Variants in SH2B2 observed in about 807,000 individuals in gnomAD.
SH2B2 encodes SH2B adapter protein 2.
In SH2B2, 37 loss-of-function variants were observed where a neutral mutation model predicts 35.7. The observed-to-expected ratio is 1.04, with a 90% confidence interval of 0.80 to 1.36. The LOEUF (loss-of-function observed/expected upper bound fraction) is 1.36, where lower values mean the gene tolerates loss of function less well. Ranked by LOEUF, SH2B2 falls within the 40% of genes most tolerant of loss-of-function variation. The pLI, the probability that SH2B2 is intolerant of heterozygous loss-of-function variation, is 0.00. For synonymous variants in SH2B2, 383 were observed against 376.4 expected, an observed-to-expected ratio of 1.02 and a Z score of -0.20; for missense variants, 852 against 817.7, an observed-to-expected ratio of 1.04 and a Z score of -0.51.
rs1554558481 is a variant in SH2B2 at position 102,321,356 on chromosome 7, C to G, written c.1625C>G (p.Pro542Arg). The G allele has an allele frequency of 1.4e-6, 2 of 1,437,742 alleles. No individual in the cohort carries two copies. The highest frequency in any genetic ancestry group is 1.4e-5 in the South Asian group (1 of 73,794). 89.1% of individuals were successfully genotyped at this position (1,437,742 alleles called of 1,614,324 possible). ...TCCCCGGCCTGCTGGAGCGACTCGC[C>G]CGGCCAGCACTACTTCTCCAGCCTC... ...PASPACWSDS[P>R]GQHYFSSLAA... Residue 542 changes from proline to arginine, a missense_variant, in exon 9 of 9, where the codon CCC becomes CGC. Pro to Arg is a moderately radical substitution (Grantham distance 103, BLOSUM62 -2). Transcript: ENST00000444095.
chr7:102,285,351 G>A, upstream of SH2B2: 1 of 904,556 alleles, frequency 1.1e-6, no homozygotes, highest in South Asian at 1.4e-5. Context: ...CCCACTCTCG[G>A]GCACCCCCTC....
At chr7:102,310,722 A>G (rs1793587904) in intron 4 of SH2B2, among the ~76,000 whole-genome samples, 1 of 152,152 alleles carries the variant, frequency 6.6e-6, no homozygotes, top group Admixed American at 6.5e-5. Context: ...CTGATCCACA[A>G]AGTGATTGTA....
In SH2B2 at chr7:102,321,497, A is replaced by T; in HGVS notation, c.1766A>T (p.Gln589Leu). The T allele has an allele frequency of 8.6e-7, 1 of 1,161,114 alleles. No individual in the cohort carries two copies. Among genetic ancestry groups the T allele is most frequent in the Non-Finnish European group, 1.1e-6 (1 of 941,880 alleles). The allele number at this position is 1,161,114 out of a possible 1,614,324, so 71.9% of individuals were successfully genotyped here. A position where few individuals can be genotyped will look rare whatever the true frequency, so the allele number is the denominator to read the frequency against. The change falls in exon 9 of 9, where the codon CAG becomes CTG. Residue 589 changes from glutamine to leucine, a missense_variant. By Grantham distance (113) the Gln-to-Leu change is moderately radical (BLOSUM62 -2). Around this residue, in one of 3 missense-constraint regions of SH2B2, gnomAD observed 556 missense variants for 514.5 expected, o/e 1.08. Transcript: ENST00000444095. The part of the protein sequence containing the change: ...GPAPPRPVEG[Q>L]LSARSRSNSA... ...GCCCCCCCGCGCCCCGTCGAGGGCC[A>T]GCTCAGCGCGCGGAGCCGCAGCAAC...
At chr7:102,301,930 A>G (rs1397505607) in intron 2 of SH2B2, among the ~76,000 whole-genome samples, 2 of 152,202 alleles carry the variant, frequency 1.3e-5, no homozygotes, top group African/African-American at 4.8e-5. Flanking sequence ...CAGTGGTACA[A>G]TCATGGCTCA....
At chr7:102,320,652 T>A in intron 8 of SH2B2, 150 bp downstream of exon 8, 1 of 1,108,924 alleles carries the variant, frequency 9.0e-7, no homozygotes, top group South Asian at 1.6e-5. Context: ...CCACAGCAAT[T>A]TCAAGCAGTC....
At chr7:102,287,490 G>T (rs1792500988) in intron 1 of SH2B2, among the ~76,000 whole-genome samples, 1 of 152,184 alleles carries the variant, frequency 6.6e-6, no homozygotes, top group Non-Finnish European at 1.5e-5. Context: ...GGAGCGCTGG[G>T]AGGGGGCGTC....
intron 4 of SH2B2, 138 bp from the exon 5 acceptor site, chr7:102,314,198 G>A (rs1793729106): frequency 1.3e-5 from 5 of 397,376 alleles, no homozygotes; most frequent in Non-Finnish European, 2.2e-5. Context: ...GGACATGGAG[G>A]CAGAGGGAGG....
chr7:102,309,362 T>TC (rs1334812762), intron 4 of SH2B2: 1 of 329,410 alleles, frequency 3.0e-6, no homozygotes, highest in African/African-American at 2.3e-5. Context: ...TCTCTTTTTT[T>TC]TTTTTTTTTT....
At chr7:102,285,396 G>A (rs1219274078), upstream of SH2B2, 5 of 678,538 alleles carry the variant, frequency 7.4e-6, no homozygotes, top group African/African-American at 7.1e-5. Flanking sequence ...AGGTGTCCTG[G>A]TTCCCAACCA....
chr7:102,321,388 GCCGCCTGC>G lies in SH2B2; in HGVS notation c.1667_1674del (p.Pro556LeufsTer?). The G allele has an allele frequency of 7.2e-7, 1 of 1,386,796 alleles. No individual in the cohort carries two copies. Among genetic ancestry groups the G allele is most frequent in the Non-Finnish European group, 9.3e-7 (1 of 1,070,004 alleles). 85.9% of individuals were successfully genotyped at this position (1,386,796 alleles called of 1,614,324 possible). ...GCACTACTTCTCCAGCCTCGCCGCG[GCCGCCTGC>G]CCGCCTGCCTCGCCCTCCGACGCCG... On this transcript the variant is annotated frameshift_variant, in exon 9 of 9. Coordinates refer to ENST00000444095, the MANE Select transcript of SH2B2 (RefSeq NM_001359228.2). LOFTEE classifies it low-confidence loss of function (END_TRUNC).
chr7:102,300,756 TC>T lies in SH2B2; in HGVS notation c.208del (p.Leu70TrpfsTer23). 1.3e-6 allele frequency: 2 copies of T among 1,536,772 alleles called. No individual in the cohort carries two copies. Among genetic ancestry groups the T allele is most frequent in the East Asian group, 2.5e-5 (1 of 40,392 alleles). ...TTCTCCCGCCACTTCGCCGCCAACTTCCTGGACGTCTTCGGCGAGGAGGTGC... is the reference window on the plus strand; with the variant it reads ...TTCTCCCGCCACTTCGCCGCCAACTTCTGGACGTCTTCGGCGAGGAGGTGC... ...ASFSRHFAAN[F>X]LDVFGEEVRR... On this transcript the variant is annotated frameshift_variant, in exon 2 of 9. Coordinates refer to ENST00000444095, the MANE Select transcript of SH2B2 (RefSeq NM_001359228.2). LOFTEE classifies it high-confidence loss of function.
intron 1 of SH2B2, among the ~76,000 whole-genome samples, chr7:102,293,882 C>G (rs1792795345): frequency 6.6e-6 from 1 of 152,126 alleles, no homozygotes; most frequent in Admixed American, 6.5e-5. Context: ...CAGTCCAGCA[C>G]TGCCTGGCAC....
intron 1 of SH2B2, among the ~76,000 whole-genome samples, chr7:102,298,465 T>G (rs1554552902): frequency 6.6e-6 from 1 of 152,174 alleles, no homozygotes; most frequent in African/African-American, 2.4e-5. Flanking sequence ...CTTGCTCTGT[T>G]GCCCAGGCTG....
intron 4 of SH2B2, 133 bp from the exon 5 acceptor site, chr7:102,314,203 G>A (rs1793729186): frequency 2.5e-6 from 1 of 397,532 alleles, no homozygotes; most frequent in African/African-American, 2.1e-5. Context: ...TGGAGGCAGA[G>A]GGAGGTGACC....
At chr7:102,317,143 T>C in intron 6 of SH2B2, 44 bp from the exon 7 acceptor site, 1 of 1,468,922 alleles carries the variant, frequency 6.8e-7, no homozygotes, top group South Asian at 1.3e-5. Context: ...TTGTCCCCCT[T>C]TCTCCTTCCC....
intron 1 of SH2B2, among the ~76,000 whole-genome samples, chr7:102,300,219 G>C (rs950440658): frequency 7.2e-5 from 11 of 152,228 alleles, no homozygotes; most frequent in Non-Finnish European, 1.6e-4. Context: ...TAGTAGAAAC[G>C]GGGTTTCACC....
rs1193732437 is a variant in SH2B2 at position 102,317,032 on chromosome 7, AT to A, written c.1187-154del. The stretch of plus-strand genomic sequence containing the variant: ...AGCGAAACTTCGTCTCAAAAAAAAA[AT>A]AAAAACTAAAAACCAACCAACTTTT... On this transcript the variant is annotated intron_variant, in intron 6 of 8. Transcript: ENST00000444095. 1.7e-5 allele frequency: 11 copies of A among 656,184 alleles called. No homozygotes were observed. The African/African-American group carries it at 1.8e-4, about 11-fold the overall frequency. The allele number at this position is 656,184 out of a possible 1,614,324, so 40.6% of individuals were successfully genotyped here.
chr7:102,301,137 G>T lies in SH2B2; in HGVS notation c.587G>T (p.Arg196Leu). 1 of 1,521,408 alleles carries T rather than the reference G, an allele frequency of 6.6e-7. No homozygotes were observed. Among genetic ancestry groups the T allele is most frequent in the Non-Finnish European group, 8.8e-7 (1 of 1,139,058 alleles). The allele number at this position is 1,521,408 out of a possible 1,614,324, so 94.2% of individuals were successfully genotyped here. ...AAKVELVDIQ[R>L]EGALRFMVAD... ...AAGGTGGAGCTGGTGGACATTCAAC[G>T]CGAGGGGGCGCTGCGCTTCATGGTG... Residue 196 changes from arginine (R) to leucine (L), a missense_variant, in exon 2 of 9, where the codon CGC (arginine) becomes CTC (leucine). Transcript: ENST00000444095.
chr7:102,299,308 C>T (rs1793057171), intron 1 of SH2B2, among the ~76,000 whole-genome samples: 1 of 150,312 alleles, frequency 6.7e-6, no homozygotes, highest in African/African-American at 2.5e-5. Flanking sequence ...AAGCGATTCT[C>T]CTGCCTCAGC....
Sources: allele counts gnomAD v4.1 joint callset (sites outside exome capture counted in the v4.1 genomes callset), GRCh38; gene constraint gnomAD v4.1.1; regional missense constraint gnomAD v4.1.1; transcripts MANE v1.5; gene names NCBI Gene and HGNC (gene_info 2026-07-23, HGNC 2026-07-21).